Variants in HSF2BP observed in about 807,000 individuals in gnomAD.
HSF2BP encodes heat shock transcription factor 2 binding protein, also known as heat shock factor 2-binding protein.
A neutral mutation model predicts 35.0 loss-of-function variants in HSF2BP; 35 were observed. The observed-to-expected ratio is 1.00, with a 90% CI of 0.76 to 1.32. The LOEUF (loss-of-function observed/expected upper bound fraction) is 1.32. Among genes scored for constraint, HSF2BP ranks in the 40% most tolerant of loss-of-function variants. HSF2BP has a pLI of 0.00. For missense variants in HSF2BP, 326 were observed against 321.7 expected (o/e 1.01, Z -0.10); for synonymous variants, 114 against 117.4 (o/e 0.97, Z 0.18).
chr21:43,588,620 A>G (rs2081887874), intron 8 of HSF2BP, among the ~76,000 whole-genome samples: 1 of 152,202 alleles, frequency 6.6e-6, no homozygotes, highest in African/African-American at 2.4e-5. Context: ...GGGTACTGAC[A>G]GACATAAATG....
At chr21:43,592,898 C>T (rs1354154741) in intron 7 of HSF2BP, among the ~76,000 whole-genome samples, 2 of 152,124 alleles carry the variant, frequency 1.3e-5, no homozygotes, top group Non-Finnish European at 2.9e-5. Flanking sequence ...CCGTGGCTGG[C>T]AATGCAGAGT....
intron 7 of HSF2BP, among the ~76,000 whole-genome samples, chr21:43,594,432 ATG>A (rs2146800099): frequency 6.6e-6 from 1 of 152,306 alleles, no homozygotes; most frequent in African/African-American, 2.4e-5. Context: ...ATAATCCAGG[ATG>A]TAAGTATTAG....
intron 8 of HSF2BP, among the ~76,000 whole-genome samples, chr21:43,587,103 G>A (rs1375803109): frequency 6.6e-6 from 1 of 152,068 alleles, no homozygotes; most frequent in African/African-American, 2.4e-5. Flanking sequence ...CCAGCACCAC[G>A]AACTATTTTT....
At chr21:43,652,745 C>G (rs544681830) in intron 3 of HSF2BP, among the ~76,000 whole-genome samples, 4 of 152,288 alleles carry the variant, frequency 2.6e-5, no homozygotes, top group African/African-American at 9.6e-5. Flanking sequence ...AGTAAACCTC[C>G]TGGAACCAGC....
chr21:43,608,482 C>T (rs1275745608), intron 7 of HSF2BP, among the ~76,000 whole-genome samples: 2 of 152,078 alleles, frequency 1.3e-5, no homozygotes, highest in African/African-American at 2.4e-5. Context: ...AAAGGGAACT[C>T]GTATACACTG....
At chr21:43,584,230 C>T (rs928075180) in intron 8 of HSF2BP, among the ~76,000 whole-genome samples, 2 of 152,088 alleles carry the variant, frequency 1.3e-5, no homozygotes, top group African/African-American at 4.8e-5. Flanking sequence ...ACATGAAGAC[C>T]TGATGAGGGA....
intron 4 of HSF2BP, among the ~76,000 whole-genome samples, chr21:43,642,627 T>C (rs1424202751): frequency 6.6e-6 from 1 of 152,016 alleles, no homozygotes; most frequent in Non-Finnish European, 1.5e-5. Flanking sequence ...CTATATTAAA[T>C]TGGACTATTC....
At chr21:43,578,680 C>A (rs1301242544) in intron 8 of HSF2BP, among the ~76,000 whole-genome samples, 2 of 152,192 alleles carry the variant, frequency 1.3e-5, no homozygotes, top group Non-Finnish European at 2.9e-5. Flanking sequence ...GTCACTGACA[C>A]AACTATAAGA....
At chr21:43,573,034 C>T (rs2081596024) in intron 8 of HSF2BP, among the ~76,000 whole-genome samples, 2 of 152,206 alleles carry the variant, frequency 1.3e-5, no homozygotes, top group Admixed American at 6.5e-5. Flanking sequence ...TTACGAGGCT[C>T]TAAGTGTTTG....
At chr21:43,599,652 G>C (rs2082027642) in intron 7 of HSF2BP, among the ~76,000 whole-genome samples, 1 of 151,908 alleles carries the variant, frequency 6.6e-6, no homozygotes, top group Admixed American at 6.6e-5. Flanking sequence ...AACTTAGCTG[G>C]GCGTGGTGGC....
At chr21:43,647,418 A>G (rs2082722916) in intron 3 of HSF2BP, among the ~76,000 whole-genome samples, 1 of 151,968 alleles carries the variant, frequency 6.6e-6, no homozygotes, top group African/African-American at 2.4e-5. Flanking sequence ...TTTAGTAGAG[A>G]TGGGGTTTCA....
At chr21:43,619,470 T>C (rs1476733203) in intron 6 of HSF2BP, among the ~76,000 whole-genome samples, 1 of 152,084 alleles carries the variant, frequency 6.6e-6, no homozygotes, top group Non-Finnish European at 1.5e-5. Context: ...TCAGCAGCAA[T>C]ATCCCAGAAC....
chr21:43,658,171 A>T lies in HSF2BP; in HGVS notation c.-75T>A, dbSNP rs2082906921. 1 of 1,429,298 alleles carries T rather than the reference A, an allele frequency of 7.0e-7. No individual in the cohort carries two copies. Among genetic ancestry groups the T allele is most frequent in the African/African-American group, 1.5e-5 (1 of 68,406 alleles). The allele number at this position is 1,429,298 out of a possible 1,614,324, so 88.5% of individuals were successfully genotyped here. A position where few individuals can be genotyped will look rare whatever the true frequency, so the allele number is the denominator to read the frequency against. ...ACCCCTCACGCCAGAAAGCGCGGGA[A>T]CGAATCCACGCCGGGGGTCGGGAAC... On this transcript the variant is annotated 5_prime_UTR_variant, in exon 2 of 9. Coordinates refer to ENST00000291560, the MANE Select transcript of HSF2BP (RefSeq NM_007031.2).
chr21:43,627,469 A>C (rs1251973243), intron 6 of HSF2BP, among the ~76,000 whole-genome samples: 2 of 152,254 alleles, frequency 1.3e-5, no homozygotes, highest in Admixed American at 1.3e-4. Flanking sequence ...ACTACACAGA[A>C]CATGCAAACT....
At chr21:43,580,406 G>A (rs927214962) in intron 8 of HSF2BP, among the ~76,000 whole-genome samples, 6 of 152,112 alleles carry the variant, frequency 3.9e-5, no homozygotes, top group African/African-American at 9.7e-5. Flanking sequence ...ATCCTTTGAC[G>A]TACGAAGTGG....
intron 8 of HSF2BP, among the ~76,000 whole-genome samples, chr21:43,573,140 G>C (rs2081597784): frequency 6.6e-6 from 1 of 152,186 alleles, no homozygotes; most frequent in African/African-American, 2.4e-5. Context: ...AGCCAAGCAT[G>C]GTGCTCTGGA....
intron 8 of HSF2BP, among the ~76,000 whole-genome samples, chr21:43,573,472 C>G (rs930676846): frequency 5.9e-5 from 9 of 152,206 alleles, no homozygotes; most frequent in Non-Finnish European, 1.2e-4. Context: ...AGAAATCCAA[C>G]CAGTAACATA....
At chr21:43,603,576 G>A (rs892919339) in intron 7 of HSF2BP, among the ~76,000 whole-genome samples, 1 of 152,210 alleles carries the variant, frequency 6.6e-6, no homozygotes, top group Non-Finnish European at 1.5e-5. Flanking sequence ...CACCTGAGAG[G>A]CTGATGGGAA....
intron 8 of HSF2BP, among the ~76,000 whole-genome samples, chr21:43,579,792 A>T (rs2081699316): frequency 6.6e-6 from 1 of 152,192 alleles, no homozygotes; most frequent in Non-Finnish European, 1.5e-5. Flanking sequence ...CAGCCATTGT[A>T]TTCTTCTCAA....
Sources: gnomAD v4.1 joint callset for allele counts (sites outside exome capture counted in the v4.1 genomes callset) on GRCh38, gnomAD v4.1.1 for gene constraint, MANE v1.5 for transcripts, NCBI Gene and HGNC (gene_info 2026-07-23, HGNC 2026-07-21) for gene names.